ESRRG: variants seen among roughly 807,000 people sequenced by gnomAD.
The protein encoded by ESRRG is estrogen related receptor gamma, also known as estrogen-related receptor gamma.
Under a neutral mutation model 44.0 loss-of-function variants are expected in ESRRG, and 13 were observed. The ratio of observed to expected loss-of-function variants is 0.30; its 90% CI spans 0.19 to 0.47. The LOEUF is 0.47. ESRRG is among the 20% of genes least tolerant of loss of function. The pLI is 1.00. For synonymous variants in ESRRG, 215 were observed against 214.6 expected (o/e 1.00, Z -0.02); for missense variants, 395 against 580.6 (o/e 0.68, Z 3.29).
At chr1:216,605,209 T>C (rs1001570516) in intron 3 of ESRRG, among the ~76,000 whole-genome samples, 1 of 152,218 alleles carries the variant, frequency 6.6e-6, no homozygotes, top group African/African-American at 2.4e-5. Flanking sequence ...AATAGTACTA[T>C]GGCGTGTGAA....
chr1:216,523,952 G>A (rs1408722014), intron 5 of ESRRG, among the ~76,000 whole-genome samples: 1 of 151,654 alleles, frequency 6.6e-6, no homozygotes, highest in African/African-American at 2.4e-5. Context: ...ATTTTGAGAA[G>A]CTGATTAAGC....
At chr1:216,601,929 T>G (rs1262459792) in intron 3 of ESRRG, among the ~76,000 whole-genome samples, 1 of 152,184 alleles carries the variant, frequency 6.6e-6, no homozygotes, top group Non-Finnish European at 1.5e-5. Context: ...CTACAACCGA[T>G]AGGGCCTTTG....
intron 2 of ESRRG, among the ~76,000 whole-genome samples, chr1:216,658,850 GAAGA>G (rs2071387843): frequency 1.1e-4 from 1 of 9,506 alleles, no homozygotes; most frequent in East Asian, 1.5e-3. Flanking sequence ...GAAAGTAAAA[GAAGA>G]GAAGAGAAGA....
chr1:216,635,709 C>A (rs1400876968), intron 3 of ESRRG, among the ~76,000 whole-genome samples: 1 of 152,100 alleles, frequency 6.6e-6, no homozygotes, highest in Non-Finnish European at 1.5e-5. Flanking sequence ...ACCTTCAGCT[C>A]TCCTGCACAC....
At chr1:216,997,242 A>G (rs1300035454) in intron 1 of ESRRG, among the ~76,000 whole-genome samples, 4 of 152,256 alleles carry the variant, frequency 2.6e-5, no homozygotes, top group South Asian at 2.1e-4. Context: ...GTCATTCTAA[A>G]TTGATTCCCT....
At chr1:216,959,780 G>A (rs1160075137) in intron 1 of ESRRG, 1 of 152,042 alleles carries the variant, frequency 6.6e-6, no homozygotes, top group Non-Finnish European at 1.5e-5. Context: ...AGAACAAAGT[G>A]AAAAATTATA....
At chr1:217,001,128 G>T (rs1208974377) in intron 1 of ESRRG, among the ~76,000 whole-genome samples, 1 of 152,188 alleles carries the variant, frequency 6.6e-6, no homozygotes, top group Admixed American at 6.5e-5. Flanking sequence ...CTACAGAAAT[G>T]GTTCAACTAA....
chr1:216,978,534 C>T (rs1437630865), intron 1 of ESRRG, among the ~76,000 whole-genome samples: 6 of 152,148 alleles, frequency 3.9e-5, no homozygotes, highest in African/African-American at 9.7e-5. Flanking sequence ...AAGGATCTCC[C>T]GGACACTGTG....
intron 1 of ESRRG, among the ~76,000 whole-genome samples, chr1:217,111,214 A>C (rs2092658295): frequency 6.6e-6 from 1 of 152,160 alleles, no homozygotes; most frequent in African/African-American, 2.4e-5. Flanking sequence ...CACTTCTTCC[A>C]ACACATAACT....
chr1:216,859,552 A>T (rs2096012867), intron 2 of ESRRG, among the ~76,000 whole-genome samples: 1 of 152,240 alleles, frequency 6.6e-6, no homozygotes, highest in Non-Finnish European at 1.5e-5. Context: ...ATCATTAAAA[A>T]GTTTAGAGGT....
chr1:217,065,770 C>T (rs2089543580), intron 1 of ESRRG, among the ~76,000 whole-genome samples: 1 of 152,170 alleles, frequency 6.6e-6, no homozygotes, highest in Non-Finnish European at 1.5e-5. Flanking sequence ...TTTTCTTTTT[C>T]TCCCTCTAGA....
At chr1:216,600,819 T>C (rs1459997714) in intron 3 of ESRRG, among the ~76,000 whole-genome samples, 2 of 152,058 alleles carry the variant, frequency 1.3e-5, no homozygotes, top group Non-Finnish European at 2.9e-5. Context: ...CGCACAAGAG[T>C]AAACAATGCA....
chr1:216,901,076 T>A (rs1222802400), intron 2 of ESRRG, among the ~76,000 whole-genome samples: 2 of 152,102 alleles, frequency 1.3e-5, no homozygotes, highest in Non-Finnish European at 2.9e-5. Flanking sequence ...CCTGTGATGA[T>A]GTGCCTATGT....
intron 3 of ESRRG, among the ~76,000 whole-genome samples, chr1:216,611,151 C>G (rs752767451): frequency 5.2e-5 from 7 of 135,404 alleles, no homozygotes; most frequent in Non-Finnish European, 1.1e-4. Flanking sequence ...TGCAGTGAGC[C>G]GAGATCATGC....
intron 3 of ESRRG, among the ~76,000 whole-genome samples, chr1:216,625,599 T>A (rs1249549308): frequency 6.6e-6 from 1 of 152,136 alleles, no homozygotes; most frequent in Non-Finnish European, 1.5e-5. Flanking sequence ...GTAATTAAGA[T>A]TCAAACTCTG....
chr1:216,626,236 A>C (rs1310421844), intron 3 of ESRRG, among the ~76,000 whole-genome samples: 1 of 152,040 alleles, frequency 6.6e-6, no homozygotes, highest in Non-Finnish European at 1.5e-5. Context: ...CTGCAATACC[A>C]CGTTCTCTTG....
At chr1:216,921,999 G>A (rs1236587880) in intron 2 of ESRRG, among the ~76,000 whole-genome samples, 1 of 152,146 alleles carries the variant, frequency 6.6e-6, no homozygotes, top group African/African-American at 2.4e-5. Flanking sequence ...AACTGTGAGT[G>A]GGTGTGCACT....
At chr1:216,746,753 A>G (rs2091447849) in intron 2 of ESRRG, among the ~76,000 whole-genome samples, 1 of 152,184 alleles carries the variant, frequency 6.6e-6, no homozygotes, top group African/African-American at 2.4e-5. Context: ...TAAAGCTCTT[A>G]CAGAGTTGTC....
chr1:216,869,434 G>A (rs2096227181), intron 2 of ESRRG, among the ~76,000 whole-genome samples: 1 of 152,036 alleles, frequency 6.6e-6, no homozygotes, highest in African/African-American at 2.4e-5. Context: ...AATACCACAT[G>A]GTCTTGATTA....
Sources: gnomAD v4.1 joint callset for allele counts (sites outside exome capture counted in the v4.1 genomes callset) on GRCh38, gnomAD v4.1.1 for gene constraint, MANE v1.5 for transcripts, NCBI Gene and HGNC (gene_info 2026-07-23, HGNC 2026-07-21) for gene names.